Variants in ZNF536 observed in about 807,000 individuals in gnomAD.
ZNF536 encodes the protein zinc finger protein 536.
In ZNF536, 13 loss-of-function variants were observed where a neutral mutation model predicts 84.5. The observed-to-expected ratio is 0.15, with a 90% confidence interval of 0.10 to 0.24. The LOEUF (loss-of-function observed/expected upper bound fraction) is 0.24, where lower values mean the gene tolerates loss of function less well. Among genes scored for constraint, ZNF536 ranks in the 10% least tolerant of loss-of-function variants. The pLI is 1.00. For missense variants in ZNF536, 1,536 were observed against 1,747.5 expected (o/e 0.88, Z 2.16); for synonymous variants, 811 against 742.5 (o/e 1.09, Z -1.50).
rs117882650 is a variant in ZNF536 at position 30,709,588 on chromosome 19, G to A, written c.170-1169G>A. Among the ~76,000 whole-genome samples, 1,227 of 152,240 alleles carry A rather than the reference G, an allele frequency of 8.1e-3. 9 individuals are homozygous for A. Among genetic ancestry groups the A allele is most frequent in the Middle Eastern group, 0.014 (4 of 294 alleles). ...AATTGGGGTCAGCAAAGTGTAGCTC[G>A]TGGACAAAATCTAACTATTGCCTGG... On this transcript the variant is annotated intron_variant, in intron 1 of 1. Transcript: ENST00000592773.
At chr19:30,514,405 C>T (rs1413849725) in intron 2 of ZNF536, among the ~76,000 whole-genome samples, 5 of 151,974 alleles carry the variant, frequency 3.3e-5, no homozygotes, top group Admixed American at 3.3e-4. Flanking sequence ...AATTATTTTA[C>T]AATGGTGGTG....
chr19:30,352,362 T>G (rs898711363), intron 2 of ZNF536: 1 of 152,262 alleles, frequency 6.6e-6, no homozygotes, highest in Admixed American at 6.5e-5. Flanking sequence ...TTTCCTTTTG[T>G]GATAGGGAAC....
chr19:30,688,867 C>G (rs753659082), intron 1 of ZNF536, among the ~76,000 whole-genome samples: 1 of 152,216 alleles, frequency 6.6e-6, no homozygotes, highest in African/African-American at 2.4e-5. Flanking sequence ...GCTGGCCCTC[C>G]TGGTAGCGCT....
intron 3 of ZNF536, among the ~76,000 whole-genome samples, chr19:30,352,878 G>A (rs1434393255): frequency 1.3e-5 from 2 of 152,132 alleles, no homozygotes; most frequent in Admixed American, 1.3e-4. Flanking sequence ...ACATATTCTG[G>A]TTCCAAGAAA....
At chr19:30,449,875 C>T (rs372391948) in intron 2 of ZNF536, among the ~76,000 whole-genome samples, 7 of 152,250 alleles carry the variant, frequency 4.6e-5, no homozygotes, top group African/African-American at 7.2e-5. Flanking sequence ...TTATCTGGGG[C>T]GCTTTCGCAT....
chr19:30,641,521 G>A (rs1480086068), intron 1 of ZNF536, among the ~76,000 whole-genome samples: 1 of 152,030 alleles, frequency 6.6e-6, no homozygotes, highest in African/African-American at 2.4e-5. Flanking sequence ...TCATTATATA[G>A]TTATTTACCC....
chr19:30,681,744 A>G (rs1229678556), intron 1 of ZNF536, among the ~76,000 whole-genome samples: 1 of 152,120 alleles, frequency 6.6e-6, no homozygotes, highest in Non-Finnish European at 1.5e-5. Context: ...GATGGGTCCT[A>G]ATTACTTAGG....
At chr19:30,621,910 C>T (rs1421339210) in intron 1 of ZNF536, among the ~76,000 whole-genome samples, 4 of 152,210 alleles carry the variant, frequency 2.6e-5, no homozygotes, top group South Asian at 2.1e-4. Context: ...GTATTTTAAA[C>T]GAAAACAGTT....
intron 1 of ZNF536, among the ~76,000 whole-genome samples, chr19:30,283,768 TATA>T (rs1322295412): frequency 6.6e-6 from 1 of 151,742 alleles, no homozygotes; most frequent in Non-Finnish European, 1.5e-5. Context: ...AGAGAGCCCT[TATA>T]ATATTAGCTC....
chr19:30,666,160 T>C (rs1383419427), intron 1 of ZNF536, among the ~76,000 whole-genome samples: 1 of 152,162 alleles, frequency 6.6e-6, no homozygotes, highest in African/African-American at 2.4e-5. Context: ...GTGTGCATGC[T>C]CGCTTGCTGA....
intron 2 of ZNF536, among the ~76,000 whole-genome samples, chr19:30,500,135 G>A (rs56689552): frequency 0.065 from 9,926 of 152,282 alleles, 639 homozygotes; most frequent in African/African-American, 0.16. Flanking sequence ...TTCTTGGGAT[G>A]GGCTTGAGTT....
intron 2 of ZNF536, among the ~76,000 whole-genome samples, chr19:30,473,003 C>A (rs953865364): frequency 1.3e-5 from 2 of 148,686 alleles, no homozygotes; most frequent in Non-Finnish European, 3.0e-5. Flanking sequence ...ACCAGCCTGG[C>A]CAACATGGTG....
intron 1 of ZNF536, among the ~76,000 whole-genome samples, chr19:30,441,778 C>T (rs554262817): frequency 1.3e-5 from 2 of 152,340 alleles, no homozygotes; most frequent in African/African-American, 4.8e-5. Flanking sequence ...ACAAAGTTGG[C>T]CCAGCACCAC....
At chr19:30,242,642 C>T (rs1199564104) in intron 1 of ZNF536, among the ~76,000 whole-genome samples, 1 of 152,154 alleles carries the variant, frequency 6.6e-6, no homozygotes, top group African/African-American at 2.4e-5. Flanking sequence ...GGTTCTTACT[C>T]CCCATCCCCA....
chr19:30,511,200 A>G (rs1477937976), intron 2 of ZNF536, among the ~76,000 whole-genome samples: 1 of 151,968 alleles, frequency 6.6e-6, no homozygotes, highest in Non-Finnish European at 1.5e-5. Context: ...CCCACCAGAC[A>G]CCTTGCCCAG....
At chr19:30,700,213 C>CTTCTTTCTTTCCTTCTTTCTTTCT (rs2051861309) in intron 1 of ZNF536, among the ~76,000 whole-genome samples, 3 of 102,586 alleles carry the variant, frequency 2.9e-5, no homozygotes, top group African/African-American at 1.1e-4. Context: ...TCTTTCTTTC[C>CTTCTTTCTTTCCTTCTTTCTTTCT]TTCTTTCTTT....
intron 1 of ZNF536, among the ~76,000 whole-genome samples, chr19:30,673,248 G>A (rs572609521): frequency 1.8e-4 from 28 of 152,320 alleles, no homozygotes; most frequent in African/African-American, 6.7e-4. Context: ...ACAGATCTGA[G>A]CAGAAGCCAA....
chr19:30,627,943 G>T (rs1194638364), intron 1 of ZNF536, among the ~76,000 whole-genome samples: 1 of 152,188 alleles, frequency 6.6e-6, no homozygotes, highest in Non-Finnish European at 1.5e-5. Context: ...GGCCATGACT[G>T]CTTCTTCTCT....
At chr19:30,649,020 G>A (rs986041677) in intron 1 of ZNF536, among the ~76,000 whole-genome samples, 30 of 152,156 alleles carry the variant, frequency 2.0e-4, no homozygotes, top group African/African-American at 7.2e-4. Flanking sequence ...ACTTCAGGGC[G>A]ATGGGGTAGG....
Sources: gnomAD v4.1 joint callset for allele counts (sites outside exome capture counted in the v4.1 genomes callset) on GRCh38, gnomAD v4.1.1 for gene constraint, MANE v1.5 for transcripts, NCBI Gene and HGNC (gene_info 2026-07-23, HGNC 2026-07-21) for gene names.